The following CDH13 variants were observed in gnomAD, a reference collection of about 807,000 sequenced individuals.
The protein encoded by CDH13 is cadherin 13, also known as cadherin-13.
In CDH13, 24 loss-of-function variants were observed where a neutral mutation model predicts 63.8. That is an observed-to-expected ratio of 0.38 (90% CI 0.27 to 0.53). CDH13 has a LOEUF of 0.53. Among genes scored for constraint, CDH13 ranks in the 20% least tolerant of loss-of-function variants. The probability of loss-of-function intolerance (pLI) is 0.85; values close to 1 mark genes in which losing one functional copy is unlikely to be tolerated. For missense variants in CDH13, 1,049 were observed against 903.1 expected (o/e 1.16, Z -2.07); for synonymous variants, 503 against 355.3 (o/e 1.42, Z -4.67).
chr16:83,137,066 G>A (rs1409842034), intron 4 of CDH13, among the ~76,000 whole-genome samples: 1 of 152,198 alleles, frequency 6.6e-6, no homozygotes, highest in African/African-American at 2.4e-5. Flanking sequence ...GAAGGGGTCA[G>A]GGGGCACATG....
chr16:83,276,478 A>T (rs2088992129), intron 5 of CDH13, among the ~76,000 whole-genome samples: 1 of 152,182 alleles, frequency 6.6e-6, no homozygotes. Context: ...TAATTAAAAT[A>T]TACCCAGGAC....
At chr16:83,537,876 C>G (rs2075224545) in intron 7 of CDH13, among the ~76,000 whole-genome samples, 1 of 152,090 alleles carries the variant, frequency 6.6e-6, no homozygotes, top group African/African-American at 2.4e-5. Flanking sequence ...TATTTTATAC[C>G]ATAACTATAT....
chr16:83,038,756 G>T (rs2151484566), intron 3 of CDH13, among the ~76,000 whole-genome samples: 1 of 152,344 alleles, frequency 6.6e-6, no homozygotes, highest in East Asian at 1.9e-4. Context: ...GTCTTTATCT[G>T]CCATATAAAT....
intron 4 of CDH13, among the ~76,000 whole-genome samples, chr16:83,176,281 G>A (rs2038119558): frequency 6.6e-6 from 1 of 152,006 alleles, no homozygotes; most frequent in East Asian, 1.9e-4. Context: ...GGAGGCTGAG[G>A]CAGGCAGACC....
chr16:82,745,418 T>G (rs1470027386), intron 1 of CDH13, among the ~76,000 whole-genome samples: 3 of 151,928 alleles, frequency 2.0e-5, no homozygotes, highest in Non-Finnish European at 4.4e-5. Flanking sequence ...AGAAAGAAAA[T>G]ACGGTGAAAC....
At chr16:83,110,563 C>T (rs907123753) in intron 3 of CDH13, among the ~76,000 whole-genome samples, 28 of 152,138 alleles carry the variant, frequency 1.8e-4, no homozygotes, top group African/African-American at 6.5e-4. Context: ...GCTCAGTCAC[C>T]GATCATGCTG....
At chr16:83,333,084 C>G (rs2090512572) in intron 5 of CDH13, among the ~76,000 whole-genome samples, 1 of 152,006 alleles carries the variant, frequency 6.6e-6, no homozygotes, top group African/African-American at 2.4e-5. Flanking sequence ...GATATAAACA[C>G]CACATCCAGT....
chr16:83,780,331 T>G (rs571507632), intron 12 of CDH13, 130 bp downstream of exon 12: 53 of 628,074 alleles, frequency 8.4e-5, no homozygotes, highest in Non-Finnish European at 1.4e-4. Flanking sequence ...TGGCATATTA[T>G]AAATACTGAG....
At chr16:82,685,739 G>T (rs1915002153) in intron 1 of CDH13, among the ~76,000 whole-genome samples, 1 of 152,172 alleles carries the variant, frequency 6.6e-6, no homozygotes, top group African/African-American at 2.4e-5. Context: ...GCTTCAGTTG[G>T]CTTTTATCTC....
chr16:83,084,416 G>A (rs1454653685), intron 3 of CDH13, among the ~76,000 whole-genome samples: 2 of 152,170 alleles, frequency 1.3e-5, no homozygotes, highest in Non-Finnish European at 2.9e-5. Context: ...CTGAATTACT[G>A]TGTGACCTCC....
chr16:82,822,693 C>T (rs1292599604), intron 1 of CDH13, among the ~76,000 whole-genome samples: 1 of 152,148 alleles, frequency 6.6e-6, no homozygotes, highest in East Asian at 1.9e-4. Context: ...TTGGGTCTCC[C>T]TGTGTTACCC....
At chr16:83,268,229 T>C (rs16960033) in intron 5 of CDH13, among the ~76,000 whole-genome samples, 17,474 of 152,250 alleles carry the variant, frequency 0.11, 1,252 homozygotes, top group African/African-American at 0.19. Context: ...TATATATACC[T>C]ATACTCATGT....
chr16:83,645,094 C>T (rs1911667181), intron 8 of CDH13, among the ~76,000 whole-genome samples: 1 of 152,216 alleles, frequency 6.6e-6, no homozygotes, highest in African/African-American at 2.4e-5. Flanking sequence ...AGGGCTACTC[C>T]TCATATGTTC....
At chr16:83,172,813 A>G (rs2037979869) in intron 4 of CDH13, among the ~76,000 whole-genome samples, 1 of 152,132 alleles carries the variant, frequency 6.6e-6, no homozygotes, top group African/African-American at 2.4e-5. Flanking sequence ...AAAGAAGGCT[A>G]AATAGCTTCC....
chr16:83,062,278 G>C (rs2031625104), intron 3 of CDH13, among the ~76,000 whole-genome samples: 1 of 152,158 alleles, frequency 6.6e-6, no homozygotes. Context: ...TACCTCACTT[G>C]TGTGTGTTTT....
intron 2 of CDH13, among the ~76,000 whole-genome samples, chr16:82,973,630 C>G (rs146914447): frequency 9.2e-5 from 14 of 152,330 alleles, no homozygotes; most frequent in African/African-American, 3.4e-4. Flanking sequence ...CCTGCCCTCA[C>G]TGAACTGTGC....
intron 4 of CDH13, among the ~76,000 whole-genome samples, chr16:83,165,889 G>A (rs7193049): frequency 0.46 from 70,001 of 151,948 alleles, 18,187 homozygotes; most frequent in African/African-American, 0.7. Flanking sequence ...CAATCGCTCT[G>A]TAGGACCCAG....
At chr16:82,806,966 A>C (rs933697666) in intron 1 of CDH13, among the ~76,000 whole-genome samples, 5 of 152,218 alleles carry the variant, frequency 3.3e-5, no homozygotes, top group Non-Finnish European at 5.9e-5. Flanking sequence ...GTGAAATCCA[A>C]GACAACTATG....
intron 7 of CDH13, among the ~76,000 whole-genome samples, chr16:83,520,520 G>A (rs9923383): frequency 0.097 from 14,797 of 152,142 alleles, 901 homozygotes; most frequent in African/African-American, 0.17. Flanking sequence ...CTTGAATATT[G>A]TGAATAATAT....
Sources: allele counts gnomAD v4.1 joint callset (sites outside exome capture counted in the v4.1 genomes callset), GRCh38; gene constraint gnomAD v4.1.1; transcripts MANE v1.5; gene names NCBI Gene and HGNC (gene_info 2026-07-23, HGNC 2026-07-21).